FER: variants seen among roughly 807,000 people sequenced by gnomAD.
FER encodes tyrosine-protein kinase Fer.
A neutral mutation model predicts 111.0 loss-of-function variants in FER; 63 were observed. The observed-to-expected ratio is 0.57, with a 90% CI of 0.46 to 0.70. FER has a LOEUF of 0.70. Among genes scored for constraint, FER ranks in the 30% least tolerant of loss-of-function variants. The pLI, the probability that FER is intolerant of heterozygous loss-of-function variation, is 0.00. For synonymous variants in FER, 327 were observed against 313.9 expected (o/e 1.04, Z -0.44); for missense variants, 914 against 954.0 (o/e 0.96, Z 0.55).
chr5:109,067,264 C>T (rs144653674), intron 16 of FER, among the ~76,000 whole-genome samples: 12,609 of 122,816 alleles, frequency 0.1, 602 homozygotes, highest in Middle Eastern at 0.19. Context: ...GTTGTTGTTG[C>T]TGTTGCTGCT....
intron 13 of FER, among the ~76,000 whole-genome samples, chr5:109,026,214 A>G (rs1452755164): frequency 2.0e-5 from 3 of 152,230 alleles, no homozygotes; most frequent in East Asian, 1.9e-4. Context: ...AAAATAAATT[A>G]TACACATACA....
At chr5:109,184,323 GT>G (rs778308839) in intron 18 of FER, among the ~76,000 whole-genome samples, 2 of 152,174 alleles carry the variant, frequency 1.3e-5, no homozygotes, top group Non-Finnish European at 2.9e-5. Context: ...CAAGCCATCA[GT>G]TTGTAAGATA....
intron 2 of FER, among the ~76,000 whole-genome samples, chr5:108,795,016 C>G (rs1755851966): frequency 2.0e-5 from 3 of 152,216 alleles, no homozygotes; most frequent in African/African-American, 7.2e-5. Context: ...ATTCTAATTA[C>G]TCTTAGATTC....
intron 3 of FER, among the ~76,000 whole-genome samples, chr5:108,823,822 T>C (rs1035997593): frequency 1.1e-4 from 16 of 152,316 alleles, no homozygotes; most frequent in African/African-American, 3.8e-4. Flanking sequence ...TGTCTGTGCT[T>C]TTGGTGTCAT....
chr5:109,176,510 T>C (rs547805032), intron 17 of FER, among the ~76,000 whole-genome samples: 1 of 152,074 alleles, frequency 6.6e-6, no homozygotes, highest in Non-Finnish European at 1.5e-5. Context: ...TGGAAAGAGA[T>C]TGGGTTTGTA....
At chr5:108,861,537 C>G (rs747691438) in intron 5 of FER, among the ~76,000 whole-genome samples, 1 of 152,082 alleles carries the variant, frequency 6.6e-6, no homozygotes, top group African/African-American at 2.4e-5. Flanking sequence ...ATGTAGAACA[C>G]TCATGCCCTG....
rs114179779 is a variant in FER at position 108,951,220 on chromosome 5, C to T, written c.1330-3509C>T. 3.4e-3 allele frequency among the ~76,000 whole-genome samples: 523 copies of T among 152,094 alleles called. 1 individual carries two copies. The highest frequency in any genetic ancestry group is 4.7e-3 in the Non-Finnish European group (322 of 67,986). Reference sequence around the variant, plus strand: ...CAGAGGTTGCAGTGAGCGGAGATGACGCCATTGGACTCCAGCCTGGGTGAC... The same window carrying T: ...CAGAGGTTGCAGTGAGCGGAGATGATGCCATTGGACTCCAGCCTGGGTGAC... On this transcript the variant is annotated intron_variant, in intron 11 of 19. Coordinates refer to ENST00000281092, the MANE Select transcript of FER (RefSeq NM_005246.4).
intron 10 of FER, among the ~76,000 whole-genome samples, chr5:108,930,745 C>T (rs914506125): frequency 2.7e-5 from 4 of 149,680 alleles, no homozygotes; most frequent in African/African-American, 7.4e-5. Context: ...TTCTGAGTAG[C>T]TGGGAGTACA....
chr5:108,884,037 A>G (rs1364206724), intron 9 of FER, among the ~76,000 whole-genome samples: 1 of 151,858 alleles, frequency 6.6e-6, no homozygotes, highest in South Asian at 2.1e-4. Context: ...GTGTTGGTAT[A>G]CTCTTCTTTT....
At chr5:109,111,250 A>C (rs1301593706) in intron 17 of FER, among the ~76,000 whole-genome samples, 3 of 152,136 alleles carry the variant, frequency 2.0e-5, no homozygotes, top group Admixed American at 2.0e-4. Context: ...ATTATTATTT[A>C]CCTAAGTGAA....
intron 9 of FER, among the ~76,000 whole-genome samples, chr5:108,889,366 C>T (rs1747670842): frequency 6.6e-6 from 1 of 151,806 alleles, no homozygotes; most frequent in African/African-American, 2.4e-5. Context: ...ACTATTCAGC[C>T]ATTAAAAAAA....
At chr5:108,910,029 G>A (rs1054483953) in intron 10 of FER, among the ~76,000 whole-genome samples, 5 of 151,978 alleles carry the variant, frequency 3.3e-5, no homozygotes, top group South Asian at 4.1e-4. Context: ...GGAATAATAT[G>A]TACTGCTCTT....
chr5:108,998,313 T>C (rs1278301914), intron 13 of FER, among the ~76,000 whole-genome samples: 2 of 152,080 alleles, frequency 1.3e-5, no homozygotes, highest in Non-Finnish European at 2.9e-5. Flanking sequence ...CTGCGGATTG[T>C]GAAGACTGGG....
chr5:108,983,301 A>G (rs1045687816), intron 13 of FER, among the ~76,000 whole-genome samples: 2 of 152,124 alleles, frequency 1.3e-5, no homozygotes, highest in African/African-American at 4.8e-5. Flanking sequence ...TACTTAGACC[A>G]TAATTTAACA....
chr5:109,080,873 C>A (rs369997890), intron 16 of FER, among the ~76,000 whole-genome samples: 1 of 151,892 alleles, frequency 6.6e-6, no homozygotes, highest in Non-Finnish European at 1.5e-5. Context: ...CAACAGGTCA[C>A]GTATGCACAG....
chr5:108,795,163 A>T (rs1192337568), intron 2 of FER, among the ~76,000 whole-genome samples: 2 of 152,168 alleles, frequency 1.3e-5, no homozygotes, highest in African/African-American at 4.8e-5. Flanking sequence ...TTCTTTACAA[A>T]AAAATTTTAA....
intron 18 of FER, among the ~76,000 whole-genome samples, chr5:109,181,530 A>AT (rs1758293703): frequency 6.6e-6 from 1 of 152,218 alleles, no homozygotes; most frequent in Non-Finnish European, 1.5e-5. Context: ...AGAAAAAAAA[A>AT]GTGTGCTTTA....
rs895667803 is a variant in FER at position 109,193,171 on chromosome 5, C to A, written c.*5596C>A. On this transcript the variant is annotated 3_prime_UTR_variant, in exon 20 of 20. Transcript: ENST00000281092. ...TTGGTTTAATTTTTACCTACGCTCC[C>A]TATAATCTCAGGAGGTAACCATTAT... 4 of 152,080 alleles carry A rather than the reference C, an allele frequency of 2.6e-5. No individual in the cohort carries two copies. Among genetic ancestry groups the A allele is most frequent in the Admixed American group, 2.0e-4 (3 of 15,254 alleles). 9.4% of individuals were successfully genotyped at this position (152,080 alleles called of 1,614,324 possible).
At chr5:109,143,216 T>A (rs2126643957) in intron 17 of FER, among the ~76,000 whole-genome samples, 1 of 152,220 alleles carries the variant, frequency 6.6e-6, no homozygotes, top group East Asian at 1.9e-4. Flanking sequence ...AAGAGTTATA[T>A]CAGGAAACAA....
Sources: allele counts gnomAD v4.1 joint callset (sites outside exome capture counted in the v4.1 genomes callset), GRCh38; gene constraint gnomAD v4.1.1; transcripts MANE v1.5; gene names NCBI Gene and HGNC (gene_info 2026-07-23, HGNC 2026-07-21).